PLXDC2: variants seen among roughly 807,000 people sequenced by gnomAD.
The protein encoded by PLXDC2 is plexin domain-containing protein 2.
A neutral mutation model predicts 68.9 loss-of-function variants in PLXDC2; 40 were observed. The ratio of observed to expected loss-of-function variants is 0.58; its 90% CI spans 0.45 to 0.76. The LOEUF is 0.76. Ranked by LOEUF, PLXDC2 falls within the 30% of genes least tolerant of loss-of-function variation. The pLI is 0.00. For synonymous variants in PLXDC2, 243 were observed against 234.2 expected (o/e 1.04, Z -0.34); for missense variants, 644 against 661.9 (o/e 0.97, Z 0.30).
intron 1 of PLXDC2, among the ~76,000 whole-genome samples, chr10:19,918,735 A>C (rs1833409714): frequency 6.6e-6 from 1 of 152,212 alleles, no homozygotes; most frequent in South Asian, 2.1e-4. Context: ...CTCTTGACGA[A>C]CATAAGTAGC....
At chr10:19,966,398 T>C (rs1049793195) in intron 1 of PLXDC2, among the ~76,000 whole-genome samples, 1 of 147,162 alleles carries the variant, frequency 6.8e-6, no homozygotes, top group Admixed American at 6.8e-5. Flanking sequence ...ATATATAAAA[T>C]ATATATGTGC....
At chr10:20,180,385 C>G (rs1834587214) in intron 9 of PLXDC2, among the ~76,000 whole-genome samples, 1 of 152,060 alleles carries the variant, frequency 6.6e-6, no homozygotes, top group Non-Finnish European at 1.5e-5. Flanking sequence ...CCTCATTGCA[C>G]TTTTGTTCAA....
chr10:19,960,315 G>A (rs1484707838), intron 1 of PLXDC2, among the ~76,000 whole-genome samples: 1 of 151,870 alleles, frequency 6.6e-6, no homozygotes, highest in Non-Finnish European at 1.5e-5. Flanking sequence ...AGTAAACTGT[G>A]ATCTCACCAC....
chr10:20,165,914 G>A (rs931579067), intron 7 of PLXDC2, among the ~76,000 whole-genome samples: 10 of 152,058 alleles, frequency 6.6e-5, no homozygotes, highest in East Asian at 1.9e-4. Context: ...GAACAGTCCC[G>A]AGAGATGCTT....
chr10:20,172,370 A>T (rs561836089), intron 7 of PLXDC2, among the ~76,000 whole-genome samples: 64 of 152,244 alleles, frequency 4.2e-4, no homozygotes, highest in African/African-American at 1.5e-3. Flanking sequence ...GCCCTCAGCA[A>T]TGGAACCGTG....
intron 13 of PLXDC2, among the ~76,000 whole-genome samples, chr10:20,260,759 G>C (rs1835799644): frequency 6.6e-6 from 1 of 151,978 alleles, no homozygotes; most frequent in African/African-American, 2.4e-5. Flanking sequence ...TTAATTTTTT[G>C]AGTAAACTTC....
chr10:19,833,552 A>G (rs1483048314), intron 1 of PLXDC2, among the ~76,000 whole-genome samples: 6 of 152,262 alleles, frequency 3.9e-5, no homozygotes, highest in Non-Finnish European at 5.9e-5. Flanking sequence ...GTAAAATGAG[A>G]TGAGGGTCTC....
intron 4 of PLXDC2, among the ~76,000 whole-genome samples, chr10:20,127,465 A>G (rs1690544526): frequency 6.6e-6 from 1 of 152,174 alleles, no homozygotes; most frequent in South Asian, 2.1e-4. Flanking sequence ...AAGGATCTGA[A>G]AGGGATATTC....
At chr10:19,991,134 T>A (rs1834742038) in intron 1 of PLXDC2, among the ~76,000 whole-genome samples, 1 of 151,844 alleles carries the variant, frequency 6.6e-6, no homozygotes, top group South Asian at 2.1e-4. Flanking sequence ...TAATCCCAGC[T>A]ACTTGGGAGG....
chr10:20,237,099 C>T (rs1172489378), intron 12 of PLXDC2, among the ~76,000 whole-genome samples: 2 of 151,648 alleles, frequency 1.3e-5, no homozygotes, highest in African/African-American at 2.4e-5. Flanking sequence ...GATAGTAGGA[C>T]AGACTGTAAA....
At chr10:20,107,031 T>C (rs7917128) in intron 4 of PLXDC2, among the ~76,000 whole-genome samples, 32,409 of 148,356 alleles carry the variant, frequency 0.22, 4,785 homozygotes, top group East Asian at 0.41. Context: ...ATATACACCA[T>C]ATACTATATA....
chr10:19,934,025 A>C (rs1485916039), intron 1 of PLXDC2, among the ~76,000 whole-genome samples: 1 of 152,214 alleles, frequency 6.6e-6, no homozygotes, highest in African/African-American at 2.4e-5. Flanking sequence ...TAATAATTGC[A>C]AAGTCCTATT....
chr10:19,931,071 A>G (rs1215679190), intron 1 of PLXDC2, among the ~76,000 whole-genome samples: 1 of 152,240 alleles, frequency 6.6e-6, no homozygotes, highest in Non-Finnish European at 1.5e-5. Context: ...CAGAGCAGCC[A>G]GTGTTGTCTT....
At chr10:19,900,856 T>C (rs1838146600) in intron 1 of PLXDC2, among the ~76,000 whole-genome samples, 1 of 151,796 alleles carries the variant, frequency 6.6e-6, no homozygotes. Context: ...GCCTACGGTG[T>C]TTGGTTTTCC....
chr10:19,915,932 G>A (rs1386764065), intron 1 of PLXDC2, among the ~76,000 whole-genome samples: 3 of 151,972 alleles, frequency 2.0e-5, no homozygotes, highest in South Asian at 2.1e-4. Flanking sequence ...AGCTTGTTTA[G>A]GAATAGAGAG....
chr10:20,223,798 T>C (rs896877158), intron 12 of PLXDC2, among the ~76,000 whole-genome samples: 7 of 152,170 alleles, frequency 4.6e-5, no homozygotes, highest in African/African-American at 1.7e-4. Context: ...CACAACGCAT[T>C]AATTCTCTTG....
chr10:20,188,988 T>C (rs1277340447), intron 9 of PLXDC2, among the ~76,000 whole-genome samples: 1 of 148,432 alleles, frequency 6.7e-6, no homozygotes, highest in Non-Finnish European at 1.5e-5. Context: ...TTTATTTTAG[T>C]ACAAGACCTT....
intron 13 of PLXDC2, among the ~76,000 whole-genome samples, chr10:20,267,129 C>G (rs891413154): frequency 1.3e-5 from 2 of 152,106 alleles, no homozygotes; most frequent in Non-Finnish European, 2.9e-5. Context: ...CATTTTTATA[C>G]AAATCTTATT....
intron 3 of PLXDC2, among the ~76,000 whole-genome samples, chr10:20,066,121 A>G (rs1455872335): frequency 6.6e-6 from 1 of 152,250 alleles, no homozygotes; most frequent in Non-Finnish European, 1.5e-5. Context: ...ATTCCATATC[A>G]GAGTGAAGCA....
Sources: allele counts gnomAD v4.1 joint callset (sites outside exome capture counted in the v4.1 genomes callset), GRCh38; gene constraint gnomAD v4.1.1; transcripts MANE v1.5; gene names NCBI Gene and HGNC (gene_info 2026-07-23, HGNC 2026-07-21).